The following SHISA9 variants were observed in gnomAD, a reference collection of about 807,000 sequenced individuals.
SHISA9 encodes the protein shisa family member 9.
In SHISA9, 13 loss-of-function variants were observed where a neutral mutation model predicts 38.0. That is an observed-to-expected ratio of 0.34 (90% CI 0.22 to 0.54). SHISA9 has a LOEUF of 0.54. Among genes scored for constraint, SHISA9 ranks in the 20% least tolerant of loss-of-function variants. The pLI is 0.91. For missense variants in SHISA9, 538 were observed against 575.8 expected (o/e 0.93, Z 0.67); for synonymous variants, 275 against 242.0 (o/e 1.14, Z -1.27).
the SHISA9 span, among the ~76,000 whole-genome samples, chr16:13,533,530 T>A: frequency 1.8e-4 from 27 of 152,056 alleles, no homozygotes; most frequent in African/African-American, 5.1e-4. Context: ...TTGATGACCA[T>A]CCTCTCGTAT....
At chr16:13,393,851 C>T in the SHISA9 span, among the ~76,000 whole-genome samples, 6 of 152,114 alleles carry the variant, frequency 3.9e-5, no homozygotes, top group Non-Finnish European at 8.8e-5. Flanking sequence ...ATTCACAGCT[C>T]CCCTTGAAAT....
At chr16:13,445,625 G>C in the SHISA9 span, among the ~76,000 whole-genome samples, 1 of 152,214 alleles carries the variant, frequency 6.6e-6, no homozygotes, top group East Asian at 1.9e-4. Context: ...GAGATTATTA[G>C]GTAAATTTGA....
chr16:13,234,758 TG>T (rs1334499241), intron 4 of SHISA9, among the ~76,000 whole-genome samples: 2 of 151,910 alleles, frequency 1.3e-5, no homozygotes, highest in Non-Finnish European at 2.9e-5. Context: ...GGTGGGACTG[TG>T]GGGGGAGAAG....
the SHISA9 span, among the ~76,000 whole-genome samples, chr16:13,257,360 G>A: frequency 6.6e-6 from 1 of 152,142 alleles, no homozygotes; most frequent in East Asian, 1.9e-4. Context: ...TTAACCTCTG[G>A]GACTCTCCTT....
At chr16:13,547,686 T>C in the SHISA9 span, among the ~76,000 whole-genome samples, 1 of 152,114 alleles carries the variant, frequency 6.6e-6, no homozygotes, top group South Asian at 2.1e-4. Context: ...AATTCTAATC[T>C]CTTTTGGAAA....
At chr16:13,398,063 A>G in the SHISA9 span, among the ~76,000 whole-genome samples, 4 of 152,090 alleles carry the variant, frequency 2.6e-5, no homozygotes, top group Non-Finnish European at 5.9e-5. Flanking sequence ...CTGCTGTGGC[A>G]TCTGTCGGTG....
At position 13,192,230 on chromosome 16, in the gene SHISA9, G is replaced by A. The variant is rs754643836; in HGVS notation, c.692-11164G>A. ...AGATACTAGGGACTGCAAAAGGGAG[G>A]TGGATGGGAAAGGAGTGAGTGTTGA... is the stretch of plus-strand genomic sequence containing the variant. On this transcript the variant is annotated intron_variant, in intron 2 of 4. Transcript: ENST00000558583. Among the ~76,000 whole-genome samples the A allele has an allele frequency of 9.2e-5, 14 of 152,108 alleles. 1 individual carries two copies. The highest frequency in any genetic ancestry group is 8.8e-5 in the Non-Finnish European group (6 of 68,016).
At chr16:13,134,515 T>C (rs2050331686) in intron 2 of SHISA9, among the ~76,000 whole-genome samples, 2 of 152,174 alleles carry the variant, frequency 1.3e-5, no homozygotes, top group Admixed American at 1.3e-4. Context: ...GTAGAGAATA[T>C]TTGAGTTAAA....
chr16:13,012,539 G>T (rs563910389), intron 2 of SHISA9, among the ~76,000 whole-genome samples: 3 of 152,146 alleles, frequency 2.0e-5, no homozygotes, highest in Non-Finnish European at 4.4e-5. Context: ...GGATGCACAC[G>T]CTTTTCATTT....
chr16:13,558,818 T>C, the SHISA9 span, among the ~76,000 whole-genome samples: 1 of 152,232 alleles, frequency 6.6e-6, no homozygotes, highest in Admixed American at 6.5e-5. Context: ...TGAAACAAGA[T>C]GGCAGAGTGT....
At chr16:12,970,202 G>A (rs2141806625) in intron 2 of SHISA9, among the ~76,000 whole-genome samples, 1 of 147,376 alleles carries the variant, frequency 6.8e-6, no homozygotes, top group Non-Finnish European at 1.5e-5. Context: ...CAGATTTAGG[G>A]GGTACAAGTG....
At chr16:13,192,804 G>C (rs2050898778) in intron 2 of SHISA9, among the ~76,000 whole-genome samples, 2 of 152,060 alleles carry the variant, frequency 1.3e-5, no homozygotes, top group South Asian at 4.1e-4. Flanking sequence ...AAACCCCAGA[G>C]GTGGAGGTTG....
At chr16:13,036,401 T>C (rs528151187) in intron 2 of SHISA9, among the ~76,000 whole-genome samples, 1 of 152,310 alleles carries the variant, frequency 6.6e-6, no homozygotes, top group South Asian at 2.1e-4. Flanking sequence ...ATTTCATTTA[T>C]TTGAAATCTA....
chr16:12,972,144 A>C (rs1218820571), intron 2 of SHISA9, among the ~76,000 whole-genome samples: 1 of 152,084 alleles, frequency 6.6e-6, no homozygotes, highest in Non-Finnish European at 1.5e-5. Flanking sequence ...AAAGGTAAAT[A>C]AAAATAAATT....
At chr16:13,459,298 T>C in the SHISA9 span, among the ~76,000 whole-genome samples, 1 of 152,148 alleles carries the variant, frequency 6.6e-6, no homozygotes, top group Non-Finnish European at 1.5e-5. Flanking sequence ...ACAAAAACTT[T>C]ATAAAGCAAA....
the SHISA9 span, among the ~76,000 whole-genome samples, chr16:13,437,309 C>T: frequency 1.3e-5 from 2 of 152,174 alleles, no homozygotes; most frequent in Non-Finnish European, 2.9e-5. Context: ...CCCTCCCACT[C>T]TACCCTGGGG....
chr16:13,472,370 C>T, the SHISA9 span, among the ~76,000 whole-genome samples: 5 of 137,170 alleles, frequency 3.6e-5, no homozygotes, highest in African/African-American at 1.4e-4. Context: ...TATTAACGCT[C>T]TGCTAAATTT....
At chr16:13,181,144 G>C (rs1476654333) in intron 2 of SHISA9, among the ~76,000 whole-genome samples, 4 of 150,858 alleles carry the variant, frequency 2.7e-5, no homozygotes, top group Non-Finnish European at 5.9e-5. Context: ...AAAATAATGG[G>C]TTTTATTGTT....
the SHISA9 span, among the ~76,000 whole-genome samples, chr16:13,408,497 TAA>T: frequency 6.6e-6 from 1 of 152,158 alleles, no homozygotes. Flanking sequence ...ATAGAGAGAA[TAA>T]AAAATAATTT....
Sources: allele counts gnomAD v4.1 joint callset (sites outside exome capture counted in the v4.1 genomes callset), GRCh38; gene constraint gnomAD v4.1.1; transcripts MANE v1.5; gene names NCBI Gene and HGNC (gene_info 2026-07-23, HGNC 2026-07-21).